SGCD: variants seen among roughly 807,000 people sequenced by gnomAD.
SGCD encodes sarcoglycan delta.
In SGCD, 18 loss-of-function variants were observed where a neutral mutation model predicts 36.6. That is an observed-to-expected ratio of 0.49 (90% CI 0.34 to 0.73). The LOEUF (loss-of-function observed/expected upper bound fraction) is 0.73. Among genes scored for constraint, SGCD ranks in the 30% least tolerant of loss-of-function variants. The pLI, the probability that SGCD is intolerant of heterozygous loss-of-function variation, is 0.01. For missense variants in SGCD, 387 were observed against 346.7 expected, an observed-to-expected ratio of 1.12 and a Z score of -0.92; for synonymous variants, 133 against 130.6, an observed-to-expected ratio of 1.02 and a Z score of -0.12.
chr5:155,884,867 C>T lies in SGCD; in HGVS notation c.-282+14443C>T, dbSNP rs1365211798. On this transcript the variant is annotated intron_variant, in intron 1 of 9. Transcript: ENST00000517913. ...ATGTAACAAACAACGCAGTACCTGA[C>T]AAATAATACATGATCAATAAGTAGG... is the stretch of plus-strand genomic sequence containing the variant. 3.4e-5 allele frequency among the ~76,000 whole-genome samples: 2 copies of T among 58,840 alleles called. 1 individual carries two copies. Among genetic ancestry groups the T allele is most frequent in the African/African-American group, 2.9e-4 (2 of 6,890 alleles). The allele number at this position is 58,840 out of a possible 152,430, so 38.6% of individuals were successfully genotyped here. A position where few individuals can be genotyped will look rare whatever the true frequency, so the allele number is the denominator to read the frequency against.
chr5:155,784,819 A>C, the SGCD span, among the ~76,000 whole-genome samples: 1 of 152,176 alleles, frequency 6.6e-6, no homozygotes, highest in Admixed American at 6.5e-5. Context: ...GTTTTAAGCT[A>C]GGTAGGTATC....
chr5:156,603,649 C>G (rs1037492829), intron 6 of SGCD, among the ~76,000 whole-genome samples: 2 of 151,742 alleles, frequency 1.3e-5, no homozygotes, highest in East Asian at 3.8e-4. Flanking sequence ...TTTAAATTTC[C>G]TTTTTAATTT....
At chr5:156,581,772 T>G (rs6859694) in intron 4 of SGCD, among the ~76,000 whole-genome samples, 42,414 of 152,126 alleles carry the variant, frequency 0.28, 6,734 homozygotes, top group African/African-American at 0.44. Flanking sequence ...GCTAAGACCA[T>G]TGGAAAAGTG....
intron 3 of SGCD, among the ~76,000 whole-genome samples, chr5:156,291,416 A>G (rs1363229121): frequency 6.6e-6 from 1 of 152,158 alleles, no homozygotes. Flanking sequence ...TAATGAATCA[A>G]TAAAATGAGC....
At chr5:156,670,001 T>G (rs1379955390) in intron 7 of SGCD, among the ~76,000 whole-genome samples, 3 of 152,154 alleles carry the variant, frequency 2.0e-5, no homozygotes, top group African/African-American at 7.2e-5. Context: ...CGATGTGCAG[T>G]GATTGTCCCC....
At chr5:155,848,244 G>A in the SGCD span, among the ~76,000 whole-genome samples, 1 of 152,118 alleles carries the variant, frequency 6.6e-6, no homozygotes, top group Admixed American at 6.5e-5. Context: ...TGCAGAGACT[G>A]GATGAGGGAA....
At chr5:156,496,426 T>C (rs1317254446) in intron 3 of SGCD, among the ~76,000 whole-genome samples, 1 of 152,118 alleles carries the variant, frequency 6.6e-6, no homozygotes, top group Non-Finnish European at 1.5e-5. Context: ...AGCAGAGTAC[T>C]GGGCTGCGTA....
At chr5:156,752,032 C>T (rs781488877) in intron 7 of SGCD, among the ~76,000 whole-genome samples, 6 of 152,064 alleles carry the variant, frequency 3.9e-5, no homozygotes, top group South Asian at 2.1e-4. Flanking sequence ...ACCCAGTGTT[C>T]GACAGTAGAA....
intron 3 of SGCD, among the ~76,000 whole-genome samples, chr5:156,444,100 CTCTCTCTCTCTCTCT>C (rs1753637689): frequency 8.4e-6 from 1 of 119,410 alleles, no homozygotes; most frequent in Non-Finnish European, 1.7e-5. Flanking sequence ...CTCTCTCTCT[CTCTCTCTCTCTCTCT>C]CCCCTTCCCT....
the SGCD span, among the ~76,000 whole-genome samples, chr5:155,747,055 C>T: frequency 6.6e-6 from 1 of 151,950 alleles, no homozygotes; most frequent in Middle Eastern, 3.2e-3. Flanking sequence ...GGCTCTCCAC[C>T]CTGCTCATGT....
chr5:156,765,690 T>G lies in SGCD; in HGVS notation c.*6300T>G, dbSNP rs1255879009. The G allele has an allele frequency of 6.6e-6, 1 of 152,184 alleles. No individual in the cohort carries two copies. Among genetic ancestry groups the G allele is most frequent in the African/African-American group, 2.4e-5 (1 of 41,452 alleles). The allele number at this position is 152,184 out of a possible 1,614,324, so 9.4% of individuals were successfully genotyped here. ...AGTTCCAATATTCGGATGTGAAAAC[T>G]GAGGCTTATAGTGGCTAAGAAACTT... On this transcript the variant is annotated 3_prime_UTR_variant, in exon 9 of 9. Transcript: ENST00000337851.
At chr5:156,204,833 A>G (rs964481575) in intron 3 of SGCD, among the ~76,000 whole-genome samples, 3 of 152,138 alleles carry the variant, frequency 2.0e-5, no homozygotes, top group Non-Finnish European at 2.9e-5. Context: ...CTACTTAAAA[A>G]TAAGTGGCAG....
chr5:155,777,236 T>C, the SGCD span, among the ~76,000 whole-genome samples: 1 of 152,282 alleles, frequency 6.6e-6, no homozygotes, highest in East Asian at 1.9e-4. Flanking sequence ...GTAAATTTGG[T>C]CCAGTATATA....
chr5:156,756,865 C>T lies in SGCD; in HGVS notation c.576-716C>T, dbSNP rs116231084. Among the ~76,000 whole-genome samples, 1,444 of 152,294 alleles carry T rather than the reference C, an allele frequency of 9.5e-3. 10 individuals carry two copies. The highest frequency in any genetic ancestry group is 0.061 in the Middle Eastern group (18 of 294). On this transcript the variant is annotated intron_variant, in intron 7 of 8. Transcript: ENST00000337851. ...CCTCCCAGCCCCTGGCAACCACTGA[C>T]CCTCTCTGCAGTGCAGAAATGACAG...
At chr5:155,845,949 G>T in the SGCD span, among the ~76,000 whole-genome samples, 1 of 152,116 alleles carries the variant, frequency 6.6e-6, no homozygotes, top group Non-Finnish European at 1.5e-5. Context: ...CATGTACTTT[G>T]TTCTGGATAG....
chr5:156,726,584 C>G (rs1755783951), intron 7 of SGCD, among the ~76,000 whole-genome samples: 3 of 152,180 alleles, frequency 2.0e-5, no homozygotes, highest in Admixed American at 2.0e-4. Flanking sequence ...CTATTCACCC[C>G]TCTCCAACTC....
chr5:155,746,947 T>C, the SGCD span, among the ~76,000 whole-genome samples: 2 of 152,180 alleles, frequency 1.3e-5, no homozygotes, highest in South Asian at 4.1e-4. Flanking sequence ...GGGCATTCTT[T>C]TCTGCACAGG....
At chr5:156,632,855 C>G (rs919891902) in intron 6 of SGCD, among the ~76,000 whole-genome samples, 6 of 152,070 alleles carry the variant, frequency 3.9e-5, no homozygotes, top group Non-Finnish European at 8.8e-5. Flanking sequence ...ATGGGGGAGG[C>G]ATATATGATC....
At chr5:156,545,413 C>T (rs1347920702) in intron 4 of SGCD, among the ~76,000 whole-genome samples, 6 of 151,900 alleles carry the variant, frequency 3.9e-5, no homozygotes, top group Non-Finnish European at 8.8e-5. Flanking sequence ...CACAGCAGAC[C>T]CTAACGTTTT....
Sources: allele counts gnomAD v4.1 joint callset (sites outside exome capture counted in the v4.1 genomes callset), GRCh38; gene constraint gnomAD v4.1.1; transcripts MANE v1.5; gene names NCBI Gene and HGNC (gene_info 2026-07-23, HGNC 2026-07-21).